DHX36: variants seen among roughly 807,000 people sequenced by gnomAD.
The protein encoded by DHX36 is ATP-dependent DNA/RNA helicase DHX36.
In DHX36, 50 loss-of-function variants were observed where a neutral mutation model predicts 139.0. That is an observed-to-expected ratio of 0.36 (90% CI 0.29 to 0.46). The LOEUF (loss-of-function observed/expected upper bound fraction) is 0.46, where lower values mean the gene tolerates loss of function less well. Among genes scored for constraint, DHX36 ranks in the 20% least tolerant of loss-of-function variants. DHX36 has a pLI of 1.00. For synonymous variants in DHX36, 425 were observed against 401.9 expected (o/e 1.06, Z -0.69); for missense variants, 1,024 against 1,211.3 (o/e 0.85, Z 2.29).
intron 6 of DHX36, 104 bp downstream of exon 6, chr3:154,306,106 TGTAATA>T: frequency 1.3e-6 from 1 of 777,974 alleles, no homozygotes; most frequent in Non-Finnish European, 2.1e-6. Flanking sequence ...AAATGGTAAT[TGTAATA>T]GTAATAACCA....
chr3:154,283,045 C>T, intron 20 of DHX36, 143 bp downstream of exon 20: 2 of 534,688 alleles, frequency 3.7e-6, no homozygotes, highest in Admixed American at 6.2e-5. Flanking sequence ...TCAGAAAGAT[C>T]CCCCATTACT....
At chr3:154,292,472 T>A in intron 15 of DHX36, 79 bp downstream of exon 15, 1 of 1,552,714 alleles carries the variant, frequency 6.4e-7, no homozygotes, top group South Asian at 1.2e-5. Flanking sequence ...TTAATAAATA[T>A]CTTTAAATGC....
rs548305063 is a variant in DHX36 at position 154,316,580 on chromosome 3, T to C, written c.244-417A>G. On this transcript the variant is annotated intron_variant, in intron 1 of 24. Coordinates refer to ENST00000496811, the MANE Select transcript of DHX36 (RefSeq NM_020865.3). ...GAAATAGTTTGGTTGTAATGAACATTTGAAAGTTCTTACACTAAACAGAAG... is the reference window on the plus strand; with the variant it reads ...GAAATAGTTTGGTTGTAATGAACATCTGAAAGTTCTTACACTAAACAGAAG... 3.9e-5 allele frequency among the ~76,000 whole-genome samples: 6 copies of C among 152,218 alleles called. No individual in the cohort carries two copies. In the East Asian group the frequency reaches 1.2e-3, roughly 29 times the overall value.
intron 1 of DHX36, 113 bp from the exon 2 acceptor site, chr3:154,316,276 A>G: frequency 7.2e-7 from 1 of 1,381,120 alleles, no homozygotes; most frequent in Non-Finnish European, 9.9e-7. Context: ...AAATACATAT[A>G]AAAGAAAGTT....
chr3:154,314,692 T>A (rs1234418789), intron 3 of DHX36: 2 of 169,428 alleles, frequency 1.2e-5, no homozygotes, highest in African/African-American at 4.8e-5. Flanking sequence ...AAAGAAGATG[T>A]ATTAAGTAAT....
Position 154,324,467 on chromosome 3 carries a change from T to A in DHX36, c.-51A>T, listed in dbSNP as rs371590557. ...GAACCAGCAACCGCTGGAAATGGCG[T>A]CCGGGCCCGGAAGCCACTGTGCGCC... On this transcript the variant is annotated 5_prime_UTR_variant, in exon 1 of 25. Transcript: ENST00000496811. 4.9e-6 allele frequency: 7 copies of A among 1,438,266 alleles called. No homozygotes were observed. Among genetic ancestry groups the A allele is most frequent in the Non-Finnish European group, 6.4e-6 (7 of 1,099,672 alleles). 89.1% of individuals were successfully genotyped at this position (1,438,266 alleles called of 1,614,324 possible). A position where few individuals can be genotyped will look rare whatever the true frequency, so the allele number is the denominator to read the frequency against.
rs547892156 is a variant in DHX36 at position 154,307,692 on chromosome 3, T to C, written c.814-1397A>G. Among the ~76,000 whole-genome samples the C allele has an allele frequency of 4.6e-5, 7 of 151,794 alleles. No homozygotes were observed. The East Asian group carries it at 1.2e-3, about 25-fold the overall frequency. The stretch of plus-strand genomic sequence containing the variant: ...GGAATGCAAATTAGCACAGCCTCTA[T>C]AGAAAACAGTATGGAGATTGCTCAA... On this transcript the variant is annotated intron_variant, in intron 5 of 24. Transcript: ENST00000496811.
In DHX36 at chr3:154,318,796, T is replaced by C. The variant is rs112894808; in HGVS notation, c.244-2633A>G. Among the ~76,000 whole-genome samples the C allele has an allele frequency of 4.9e-3, 742 of 152,268 alleles. 5 individuals are homozygous for C. Among genetic ancestry groups the C allele is most frequent in the African/African-American group, 0.017 (697 of 41,560 alleles). On this transcript the variant is annotated intron_variant, in intron 1 of 24. Transcript: ENST00000496811. ...ATGACCAAAGTATTAAATAAGTCAGTTGTGTAGTAGGATCTTGTTTTTATT... is the reference window on the plus strand; with the variant it reads ...ATGACCAAAGTATTAAATAAGTCAGCTGTGTAGTAGGATCTTGTTTTTATT...
At position 154,276,254 on chromosome 3, in the gene DHX36, C is replaced by G. The variant is rs1719145456; in HGVS notation, c.2944G>C (p.Ala982Pro). 6.2e-7 allele frequency: 1 copy of G among 1,613,900 alleles called. No individual in the cohort carries two copies. The highest frequency in any genetic ancestry group is 8.5e-7 in the Non-Finnish European group (1 of 1,179,920). Reference protein sequence around the residue: ...TKSRDCAVLSAIIDLIKTQEK... With the variant: ...TKSRDCAVLSPIIDLIKTQEK... ...TGTGTTTTGATCAAGTCTATAATAG[C>G]TGACAGTACTGCACAGTCTCTGGAT... The change falls in exon 25 of 25, where the codon GCT (alanine) becomes CCT (proline). Residue 982 changes from alanine (A) to proline (P), a missense_variant. Physicochemically the swap from Ala to Pro is conservative, Grantham distance 27. Around this residue, in one of 4 missense-constraint regions of DHX36, gnomAD observed 470 missense variants for 616.2 expected, o/e 0.76. Coordinates refer to ENST00000496811, the MANE Select transcript of DHX36 (RefSeq NM_020865.3).
intron 24 of DHX36, 100 bp downstream of exon 24, chr3:154,276,647 T>C: frequency 7.7e-7 from 1 of 1,292,576 alleles, no homozygotes; most frequent in Non-Finnish European, 1.1e-6. Flanking sequence ...TCTGCTGAAA[T>C]AGAGCAAGAA....
Position 154,295,325 on chromosome 3 carries a change from T to C in DHX36, c.1564A>G (p.Ile522Val). The C allele has an allele frequency of 2.0e-6, 3 of 1,525,700 alleles. No individual in the cohort carries two copies. The highest frequency in any genetic ancestry group is 2.5e-5 in the South Asian group (2 of 80,434). 94.5% of individuals were successfully genotyped at this position (1,525,700 alleles called of 1,614,324 possible). ...VMFKSDKFLIIPLHSLMPTVN... is the reference protein window; with the variant it reads ...VMFKSDKFLIVPLHSLMPTVN... Reference sequence around the variant, plus strand: ...GTAGGCATCAGTGAATGTAAAGGTATAATTAAAAATTTATCTGAAAATTAA... The same window carrying C: ...GTAGGCATCAGTGAATGTAAAGGTACAATTAAAAATTTATCTGAAAATTAA... Residue 522 changes from isoleucine (I) to valine (V), a missense_variant, in exon 13 of 25, where the codon ATA (isoleucine) becomes GTA (valine). Transcript: ENST00000496811.
chr3:154,304,211 T>TC, intron 8 of DHX36, among the ~76,000 whole-genome samples: 1 of 152,236 alleles, frequency 6.6e-6, no homozygotes, highest in Admixed American at 6.5e-5. Context: ...TCCCTCCCTT[T>TC]CCCCCTCCTT....
At chr3:154,298,756 A>C (rs926326951) in intron 12 of DHX36, among the ~76,000 whole-genome samples, 1 of 151,788 alleles carries the variant, frequency 6.6e-6, no homozygotes, top group Non-Finnish European at 1.5e-5. Flanking sequence ...TCTACTAAAA[A>C]TACAAAAAAT....
At chr3:154,306,802 A>G (rs1054988900) in intron 5 of DHX36, among the ~76,000 whole-genome samples, 1 of 152,180 alleles carries the variant, frequency 6.6e-6, no homozygotes, top group African/African-American at 2.4e-5. Context: ...AGTAACCAAC[A>G]GTTATTCTGT....
chr3:154,284,686 A>G lies in DHX36; in HGVS notation c.2206-17T>C. On this transcript the variant is annotated splice_polypyrimidine_tract_variant and intron_variant, in intron 18 of 24. Coordinates refer to ENST00000496811, the MANE Select transcript of DHX36 (RefSeq NM_020865.3). ...TTCTTTTCCCTTAAAAATAGCAGAC[A>G]TAGCCAATTTAAATTGCTCTGATGC... 1.2e-6 allele frequency: 2 copies of G among 1,603,318 alleles called. No homozygotes were observed. The highest frequency in any genetic ancestry group is 1.7e-6 in the Non-Finnish European group (2 of 1,174,384).
intron 12 of DHX36, among the ~76,000 whole-genome samples, chr3:154,296,342 C>T (rs1257140100): frequency 6.6e-6 from 1 of 152,052 alleles, no homozygotes; most frequent in African/African-American, 2.4e-5. Context: ...GGCGTGTTGG[C>T]GGGCGCCTGT....
intron 5 of DHX36, among the ~76,000 whole-genome samples, chr3:154,306,588 G>C (rs1244828424): frequency 1.3e-5 from 2 of 152,072 alleles, no homozygotes; most frequent in Non-Finnish European, 2.9e-5. Context: ...TTTTCTAAGA[G>C]TTGTAAATCA....
chr3:154,279,510 C>G (rs1719265891), intron 22 of DHX36: 1 of 152,172 alleles, frequency 6.6e-6, no homozygotes, highest in South Asian at 2.1e-4. Flanking sequence ...TGAAAAAGTA[C>G]TTAGGTCACT....
Position 154,301,025 on chromosome 3 carries a change from T to C in DHX36, c.1320A>G (p.Lys440=). The change falls in exon 10 of 25, where the codon AAA becomes AAG. Residue 440 remains lysine, a synonymous_variant. Transcript: ENST00000496811. ...QEKEEKEAIY[K]ERWPDYVREL... Reference sequence around the variant, plus strand: ...CCCTTACATAATCTGGCCAACGTTCTTTATATATTGCTTCTTTTTCTTCTT... The same window carrying C: ...CCCTTACATAATCTGGCCAACGTTCCTTATATATTGCTTCTTTTTCTTCTT... 6.2e-7 allele frequency: 1 copy of C among 1,613,502 alleles called. No homozygotes were observed. Among genetic ancestry groups the C allele is most frequent in the South Asian group, 1.1e-5 (1 of 90,774 alleles).
Sources: allele counts gnomAD v4.1 joint callset (sites outside exome capture counted in the v4.1 genomes callset), GRCh38; gene constraint gnomAD v4.1.1; regional missense constraint gnomAD v4.1.1; transcripts MANE v1.5; gene names NCBI Gene and HGNC (gene_info 2026-07-23, HGNC 2026-07-21).